Variants in FGF12 observed in about 807,000 individuals in gnomAD.
FGF12 encodes fibroblast growth factor 12B.
A neutral mutation model predicts 23.6 loss-of-function variants in FGF12; 14 were observed. That is an observed-to-expected ratio of 0.59 (90% CI 0.39 to 0.93). FGF12 has a LOEUF of 0.93. Among genes scored for constraint, FGF12 ranks in the 40% least tolerant of loss-of-function variants. The pLI, the probability that FGF12 is intolerant of heterozygous loss-of-function variation, is 0.00. For synonymous variants in FGF12, 62 were observed against 77.3 expected (o/e 0.80, Z 1.04); for missense variants, 175 against 217.8 (o/e 0.80, Z 1.24).
Position 192,408,154 on chromosome 3 carries a change from C to G in FGF12, c.14-47616G>C. On this transcript the variant is annotated intron_variant, in intron 2 of 5. Transcript: ENST00000445105. The surrounding 1 kb of genome is among the most constrained non-coding windows in gnomAD (Gnocchi z 7.3). The stretch of plus-strand genomic sequence containing the variant: ...CTGGAGCGGCGCTTGGAGGCCGACA[C>G]TCGGTCGCTGTTGGACTCCCTCGCC... 1 of 1,611,566 alleles carries G rather than the reference C, an allele frequency of 6.2e-7. No homozygotes were observed. The highest frequency in any genetic ancestry group is 8.5e-7 in the Non-Finnish European group (1 of 1,179,934).
rs189086576 is a variant in FGF12, at chr3:192,439,787, A to T, written c.14-79249T>A. 2.7e-4 allele frequency among the ~76,000 whole-genome samples: 41 copies of T among 152,058 alleles called. 1 individual carries two copies. The highest frequency in any genetic ancestry group is 2.6e-3 in the Admixed American group (39 of 15,264). On this transcript the variant is annotated intron_variant, in intron 2 of 5. Coordinates refer to ENST00000445105, the MANE Select transcript of FGF12 (RefSeq NM_004113.6). ...GTCAGGAGTTCAAGACCAGCCTGGC[A>T]AAGATGGTGAAACCCCGTCTCTACT...
At chr3:192,374,196 C>T (rs1373918123) in intron 2 of FGF12, among the ~76,000 whole-genome samples, 1 of 152,142 alleles carries the variant, frequency 6.6e-6, no homozygotes, top group Non-Finnish European at 1.5e-5. Context: ...AAATCTTGCA[C>T]TTTGTTTTAT....
At position 192,514,196 on chromosome 3, in the gene FGF12, C is replaced by T. The variant is rs553884953; in HGVS notation, c.14-153658G>A. 3.3e-5 allele frequency among the ~76,000 whole-genome samples: 5 copies of T among 152,336 alleles called. No individual in the cohort carries two copies. The highest frequency in any genetic ancestry group is 3.4e-3 in the Middle Eastern group (1 of 294). Reference sequence around the variant, plus strand: ...AGGGGAAACGTACCCCTAACCACCGCCAGATGTCTACTTTTCAGACAAAGC... The same window carrying T: ...AGGGGAAACGTACCCCTAACCACCGTCAGATGTCTACTTTTCAGACAAAGC... On this transcript the variant is annotated intron_variant, in intron 2 of 5. Coordinates refer to ENST00000445105, the MANE Select transcript of FGF12 (RefSeq NM_004113.6). The surrounding 1 kb of genome is among the most constrained non-coding windows in gnomAD (Gnocchi z 4.9).
chr3:192,319,486 A>G (rs1231231642), intron 4 of FGF12, among the ~76,000 whole-genome samples: 1 of 152,020 alleles, frequency 6.6e-6, no homozygotes, highest in East Asian at 1.9e-4. Flanking sequence ...AATCCCAGCT[A>G]CTCAGGAGAC....
chr3:192,240,019 C>A (rs1292002041), intron 4 of FGF12, among the ~76,000 whole-genome samples: 2 of 152,144 alleles, frequency 1.3e-5, no homozygotes, highest in Non-Finnish European at 2.9e-5. Flanking sequence ...GAATGAAAGT[C>A]CAAGATATGA....
chr3:192,713,670 T>C (rs887956674), intron 2 of FGF12, among the ~76,000 whole-genome samples: 15 of 152,186 alleles, frequency 9.9e-5, no homozygotes, highest in African/African-American at 3.6e-4. Flanking sequence ...GTCGTTGCCA[T>C]CTGTCTAACT....
intron 2 of FGF12, among the ~76,000 whole-genome samples, chr3:192,500,761 C>T (rs1724110307): frequency 6.6e-6 from 1 of 152,186 alleles, no homozygotes; most frequent in South Asian, 2.1e-4. Context: ...CAGGCACTAT[C>T]CTAAGAGCTT....
At chr3:192,315,704 C>T (rs1480089520) in intron 4 of FGF12, among the ~76,000 whole-genome samples, 1 of 152,022 alleles carries the variant, frequency 6.6e-6, no homozygotes, top group Non-Finnish European at 1.5e-5. Flanking sequence ...GGGTATAGAA[C>T]AGCAAGAGAA....
At chr3:192,450,934 A>G (rs1202848881) in intron 2 of FGF12, among the ~76,000 whole-genome samples, 2 of 152,140 alleles carry the variant, frequency 1.3e-5, no homozygotes, top group East Asian at 3.8e-4. Context: ...TTTGTGTGAC[A>G]CTCATTTCCA....
rs149215307 is a variant in FGF12 at position 192,485,345 on chromosome 3, A to T, written c.14-124807T>A. 5.7e-3 allele frequency among the ~76,000 whole-genome samples: 871 copies of T among 152,310 alleles called. 9 individuals carry two copies. Among genetic ancestry groups the T allele is most frequent in the African/African-American group, 0.019 (800 of 41,590 alleles). On this transcript the variant is annotated intron_variant, in intron 2 of 5. Transcript: ENST00000445105. ...TGTGAATTGAAGAAATAATTGTTTG[A>T]GGTAGTTCAAATTGAGAAAATGGAG...
At chr3:192,717,902 T>C (rs1301081601) in intron 2 of FGF12, among the ~76,000 whole-genome samples, 1 of 152,206 alleles carries the variant, frequency 6.6e-6, no homozygotes, top group African/African-American at 2.4e-5. Context: ...TTATTAACCA[T>C]GAAACCCTTA....
At chr3:192,623,230 T>C (rs142470529) in intron 2 of FGF12, among the ~76,000 whole-genome samples, 5 of 152,336 alleles carry the variant, frequency 3.3e-5, no homozygotes, top group African/African-American at 7.2e-5. Flanking sequence ...CAGTACCAAA[T>C]GGACTACAAG....
chr3:192,302,813 A>G (rs978161942), intron 4 of FGF12, among the ~76,000 whole-genome samples: 6 of 152,224 alleles, frequency 3.9e-5, no homozygotes, highest in African/African-American at 1.4e-4. Context: ...AGGAGTGAAC[A>G]GGAGTTAGCT....
At chr3:192,548,630 A>T (rs1043135398) in intron 2 of FGF12, among the ~76,000 whole-genome samples, 2 of 152,194 alleles carry the variant, frequency 1.3e-5, no homozygotes, top group Non-Finnish European at 2.9e-5. Flanking sequence ...CAAGGTATGT[A>T]TTAGCCAGAT....
chr3:192,573,149 G>A (rs781411), intron 2 of FGF12, among the ~76,000 whole-genome samples: 122,955 of 151,934 alleles, frequency 0.81, 51,017 homozygotes, highest in Non-Finnish European at 0.91. Flanking sequence ...TTCTCTTCCT[G>A]TAGGATAGGG....
At chr3:192,154,447 A>G (rs1714233736) in intron 5 of FGF12, among the ~76,000 whole-genome samples, 2 of 120,836 alleles carry the variant, frequency 1.7e-5, no homozygotes, top group Admixed American at 8.4e-5. Context: ...TTGTGGTTTT[A>G]TCTACTTTTG....
intron 2 of FGF12, among the ~76,000 whole-genome samples, chr3:192,461,291 A>G (rs545412607): frequency 2.0e-5 from 3 of 152,360 alleles, no homozygotes; most frequent in Non-Finnish European, 4.4e-5. Flanking sequence ...GCTTGAGATC[A>G]TCAAAAAGAA....
Position 192,378,044 on chromosome 3 carries a change from T to TTCTCTCTCTC in FGF12, c.14-17507_14-17506insGAGAGAGAGA, listed in dbSNP as rs1174579886. ...CTCTTTCTTTTCTTTCTTTCTTTCT[T>TTCTCTCTCTC]TCTTTCTTTCTTTCTTTCTTTCTTT... On this transcript the variant is annotated intron_variant, in intron 2 of 5. Transcript: ENST00000445105. Among the ~76,000 whole-genome samples, 520 of 94,892 alleles carry TTCTCTCTCTC rather than the reference T, an allele frequency of 5.5e-3. 47 individuals carry two copies. The highest frequency in any genetic ancestry group is 0.025 in the East Asian group (55 of 2,208). The allele number at this position is 94,892 out of a possible 152,430, so 62.3% of individuals were successfully genotyped here.
chr3:192,701,692 CTTTTATGAAAATAATTTTA>C (rs1718302457), intron 2 of FGF12, among the ~76,000 whole-genome samples: 1 of 151,940 alleles, frequency 6.6e-6, no homozygotes, highest in South Asian at 2.1e-4. Context: ...CAAGACACAT[CTTTTATGAAAATAATTTTA>C]TTTTATGAAA....
Sources: allele counts gnomAD v4.1 joint callset (sites outside exome capture counted in the v4.1 genomes callset), GRCh38; gene constraint gnomAD v4.1.1; non-coding constraint Gnocchi (gnomAD v3.1); transcripts MANE v1.5; gene names NCBI Gene and HGNC (gene_info 2026-07-23, HGNC 2026-07-21).